The following CALU variants were observed in gnomAD, a reference collection of about 807,000 sequenced individuals.
CALU encodes IEF SSP 9302.
In CALU, 13 loss-of-function variants were observed where a neutral mutation model predicts 37.5. The ratio of observed to expected loss-of-function variants is 0.35; its 90% CI spans 0.23 to 0.55. The LOEUF (loss-of-function observed/expected upper bound fraction) is 0.55. Among genes scored for constraint, CALU ranks in the 20% least tolerant of loss-of-function variants. The probability of loss-of-function intolerance (pLI) is 0.89; values close to 1 mark genes in which losing one functional copy is unlikely to be tolerated. For synonymous variants in CALU, 114 were observed against 133.8 expected (o/e 0.85, Z 1.02); for missense variants, 282 against 391.7 (o/e 0.72, Z 2.36).
At chr7:128,754,610 G>T in intron 3 of CALU, 155 bp downstream of exon 3, 1 of 1,551,888 alleles carries the variant, frequency 6.4e-7, no homozygotes, top group Non-Finnish European at 8.7e-7. Context: ...AGCACGCCCA[G>T]AAGAAATACA....
intron 5 of CALU, among the ~76,000 whole-genome samples, chr7:128,767,051 GA>G (rs1801363767): frequency 6.6e-6 from 1 of 152,170 alleles, no homozygotes; most frequent in African/African-American, 2.4e-5. Context: ...TGTCCCAACT[GA>G]AGGCCACTGG....
chr7:128,752,260 T>TA (rs1394605098), intron 2 of CALU, among the ~76,000 whole-genome samples: 1 of 152,184 alleles, frequency 6.6e-6, no homozygotes, highest in Non-Finnish European at 1.5e-5. Context: ...TCTGTTTAAG[T>TA]AAAAAACAAT....
chr7:128,770,904 T>A lies in CALU; in HGVS notation c.*1737T>A, dbSNP rs1366195437. On this transcript the variant is annotated 3_prime_UTR_variant, in exon 7 of 7. Coordinates refer to ENST00000249364, the MANE Select transcript of CALU (RefSeq NM_001219.5). ...ATCTGAACCTAGGTATATCCTTTGG[T>A]CTTCCACAGTCATGTTGAGGTGGGC... 1.3e-5 allele frequency: 2 copies of A among 152,670 alleles called. No individual in the cohort carries two copies. The highest frequency in any genetic ancestry group is 4.8e-5 in the African/African-American group (2 of 41,454). 9.5% of individuals were successfully genotyped at this position (152,670 alleles called of 1,614,324 possible).
chr7:128,746,762 C>CTTTTTTTTTTTTTTTTT (rs71162530), intron 1 of CALU, among the ~76,000 whole-genome samples: 1 of 122,660 alleles, frequency 8.2e-6, no homozygotes, highest in Non-Finnish European at 1.6e-5. Context: ...TCATGTCATT[C>CTTTTTTTTTTTTTTTTT]TTTTTTTTTT....
Position 128,772,229 on chromosome 7 carries a change from G to A in CALU, c.*3062G>A, listed in dbSNP as rs1479145904. Among the ~76,000 whole-genome samples, 1 of 151,680 alleles carries A rather than the reference G, an allele frequency of 6.6e-6. No homozygotes were observed. Among genetic ancestry groups the A allele is most frequent in the African/African-American group, 2.4e-5 (1 of 41,276 alleles). Reference sequence around the variant, plus strand: ...AGTATCCATACACTGAAAACTTAAAGCATATTCCTTTTTGGTTGCCTTGTA... The same window carrying A: ...AGTATCCATACACTGAAAACTTAAAACATATTCCTTTTTGGTTGCCTTGTA... On this transcript the variant is annotated 3_prime_UTR_variant, in exon 7 of 7. Coordinates refer to ENST00000249364, the MANE Select transcript of CALU (RefSeq NM_001219.5).
At chr7:128,759,972 G>A in intron 5 of CALU, 120 bp downstream of exon 5, 2 of 619,596 alleles carry the variant, frequency 3.2e-6, no homozygotes, top group Non-Finnish European at 5.8e-6. Flanking sequence ...GAGGCGGGCA[G>A]ATCACCTGAG....
intron 5 of CALU, 82 bp from the exon 6 acceptor site, chr7:128,767,374 A>G: frequency 9.4e-7 from 1 of 1,067,948 alleles, no homozygotes; most frequent in Non-Finnish European, 1.5e-6. Context: ...ATGGATGAGG[A>G]AAAAGGGTTA....
intron 6 of CALU, among the ~76,000 whole-genome samples, chr7:128,768,592 A>T (rs1186878410): frequency 6.6e-6 from 1 of 152,058 alleles, no homozygotes; most frequent in African/African-American, 2.4e-5. Context: ...TAATCCCAGC[A>T]CTTTGGGAGG....
chr7:128,772,688 C>T lies in CALU; in HGVS notation c.*3521C>T, dbSNP rs1801636579. 2.5e-6 allele frequency: 4 copies of T among 1,613,904 alleles called. No individual in the cohort carries two copies. Among genetic ancestry groups the T allele is most frequent in the Non-Finnish European group, 3.4e-6 (4 of 1,179,834 alleles). ...GAGAGAAAGGTACAATTGGAGATAA[C>T]CTTGGCAGATGAGGAAGTATGGGAA... On this transcript the variant is annotated 3_prime_UTR_variant, in exon 7 of 7. Coordinates refer to ENST00000249364, the MANE Select transcript of CALU (RefSeq NM_001219.5).
At chr7:128,757,389 G>GTC (rs1800928453) in intron 3 of CALU, among the ~76,000 whole-genome samples, 1 of 151,926 alleles carries the variant, frequency 6.6e-6, no homozygotes, top group Admixed American at 6.6e-5. Flanking sequence ...GTGTGTGTGT[G>GTC]TGTACACAGG....
intron 1 of CALU, 42 bp from the exon 2 acceptor site, chr7:128,748,531 G>T: frequency 6.9e-7 from 1 of 1,454,684 alleles, no homozygotes; most frequent in African/African-American, 1.4e-5. Flanking sequence ...TAGTTATTAA[G>T]CATACTGCCT....
chr7:128,740,116 C>G (rs535127379), intron 1 of CALU, among the ~76,000 whole-genome samples: 1 of 152,144 alleles, frequency 6.6e-6, no homozygotes, highest in Non-Finnish European at 1.5e-5. Context: ...AGCCCCATAT[C>G]CTACTGATTT....
At chr7:128,759,739 C>G (rs1227901223) in intron 4 of CALU, 53 bp from the exon 5 acceptor site, 2 of 904,044 alleles carry the variant, frequency 2.2e-6, no homozygotes, top group Non-Finnish European at 3.7e-6. Context: ...TTACTTTCTT[C>G]TGGCAAATTC....
chr7:128,752,475 T>G (rs1800712911), intron 2 of CALU, among the ~76,000 whole-genome samples: 1 of 152,162 alleles, frequency 6.6e-6, no homozygotes, highest in African/African-American at 2.4e-5. Flanking sequence ...TGGTTGCCCT[T>G]TTTCCTTGCC....
At chr7:128,759,336 A>G (rs1007722993) in intron 4 of CALU, among the ~76,000 whole-genome samples, 5 of 152,220 alleles carry the variant, frequency 3.3e-5, no homozygotes, top group African/African-American at 1.2e-4. Flanking sequence ...AAATCCCATT[A>G]TTTAAAATAT....
chr7:128,765,000 G>A (rs1032383354), intron 5 of CALU, among the ~76,000 whole-genome samples: 2 of 152,020 alleles, frequency 1.3e-5, no homozygotes, highest in Admixed American at 1.3e-4. Context: ...CAGCAGCCTC[G>A]ATCTCCAAGG....
chr7:128,764,010 C>G (rs1178031504), intron 5 of CALU, among the ~76,000 whole-genome samples: 1 of 152,242 alleles, frequency 6.6e-6, no homozygotes, highest in Non-Finnish European at 1.5e-5. Context: ...TCGTATAACT[C>G]AAGCATTTTC....
intron 1 of CALU, among the ~76,000 whole-genome samples, chr7:128,743,687 ATTT>A (rs1360941606): frequency 2.0e-5 from 3 of 151,768 alleles, no homozygotes; most frequent in Non-Finnish European, 4.4e-5. Flanking sequence ...CACCCAGCTA[ATTT>A]TTTGTATTTT....
intron 1 of CALU, among the ~76,000 whole-genome samples, chr7:128,746,312 C>A (rs1045996825): frequency 6.6e-6 from 1 of 152,032 alleles, no homozygotes; most frequent in Non-Finnish European, 1.5e-5. Context: ...CGTGTGCCAC[C>A]ACACCCAGCT....
Sources: allele counts gnomAD v4.1 joint callset (sites outside exome capture counted in the v4.1 genomes callset), GRCh38; gene constraint gnomAD v4.1.1; transcripts MANE v1.5; gene names NCBI Gene and HGNC (gene_info 2026-07-23, HGNC 2026-07-21).